CSRNP3: variants seen among roughly 807,000 people sequenced by gnomAD.
CSRNP3 encodes cysteine and serine rich nuclear protein 3.
Under a neutral mutation model 48.0 loss-of-function variants are expected in CSRNP3, and 12 were observed. The observed-to-expected ratio is 0.25, with a 90% CI of 0.16 to 0.41. The LOEUF is 0.41. Among genes scored for constraint, CSRNP3 ranks in the 10% least tolerant of loss-of-function variants. CSRNP3 has a pLI of 1.00. For missense variants in CSRNP3, 580 were observed against 724.4 expected (o/e 0.80, Z 2.29); for synonymous variants, 263 against 269.7 (o/e 0.98, Z 0.24).
At chr2:165,625,518 C>T (rs1390676795) in intron 4 of CSRNP3, among the ~76,000 whole-genome samples, 2 of 151,554 alleles carry the variant, frequency 1.3e-5, no homozygotes, top group African/African-American at 2.4e-5. Flanking sequence ...CTTGTAATCC[C>T]AGCTACTTGG....
intron 1 of CSRNP3, among the ~76,000 whole-genome samples, chr2:165,492,436 A>G (rs867805628): frequency 1.3e-5 from 2 of 151,994 alleles, no homozygotes; most frequent in Non-Finnish European, 2.9e-5. Context: ...GGGCTTTGGC[A>G]CACACCATTC....
chr2:165,520,768 TATTATATATATATATTATATATATATA>T (rs1358233756), intron 3 of CSRNP3, among the ~76,000 whole-genome samples: 1 of 51,276 alleles, frequency 2.0e-5, no homozygotes, highest in African/African-American at 1.4e-4. Flanking sequence ...TATAGAAATA[TATTATATATATATATTATATATATATA>T]TATATATATA....
chr2:165,574,450 A>G (rs1320968629), intron 3 of CSRNP3: 1 of 1,513,740 alleles, frequency 6.6e-7, no homozygotes, highest in Admixed American at 2.0e-5. Flanking sequence ...ACATTTCATG[A>G]TGCGCCTGAT....
intron 4 of CSRNP3, among the ~76,000 whole-genome samples, chr2:165,620,022 G>A (rs1423121409): frequency 1.3e-5 from 2 of 152,052 alleles, no homozygotes; most frequent in African/African-American, 2.4e-5. Context: ...CTAGGGAACT[G>A]ATATATCACA....
At chr2:165,473,556 ATG>A (rs1338965580) in intron 1 of CSRNP3, among the ~76,000 whole-genome samples, 1 of 152,164 alleles carries the variant, frequency 6.6e-6, no homozygotes, top group East Asian at 1.9e-4. Flanking sequence ...TATTAATCAG[ATG>A]TTATTTTTGA....
At chr2:165,540,683 C>G (rs1022832107) in intron 3 of CSRNP3, among the ~76,000 whole-genome samples, 1 of 152,058 alleles carries the variant, frequency 6.6e-6, no homozygotes, top group Admixed American at 6.6e-5. Flanking sequence ...CCCAGGAATC[C>G]CTGCTGGCTT....
chr2:165,531,993 C>T (rs939541717), intron 3 of CSRNP3, among the ~76,000 whole-genome samples: 1 of 152,104 alleles, frequency 6.6e-6, no homozygotes, highest in Non-Finnish European at 1.5e-5. Flanking sequence ...CATACATCCT[C>T]CCAAGACGAA....
chr2:165,605,567 C>G (rs1414916592), intron 4 of CSRNP3, among the ~76,000 whole-genome samples: 1 of 152,090 alleles, frequency 6.6e-6, no homozygotes, highest in Non-Finnish European at 1.5e-5. Flanking sequence ...TTGGGGCTTA[C>G]TATTCTACTG....
At chr2:165,667,100 A>AGAGAGAGATGAAGAAAGAAAGAGAGAG (rs1687245993) in intron 5 of CSRNP3, among the ~76,000 whole-genome samples, 1 of 29,330 alleles carries the variant, frequency 3.4e-5, no homozygotes, top group Non-Finnish European at 8.2e-5. Flanking sequence ...AGAGAGAGAA[A>AGAGAGAGATGAAGAAAGAAAGAGAGAG]AGGAAGGAAG....
chr2:165,577,702 T>C (rs997134602), intron 3 of CSRNP3, among the ~76,000 whole-genome samples: 1 of 151,776 alleles, frequency 6.6e-6, no homozygotes, highest in Admixed American at 6.6e-5. Context: ...TTATATGCTT[T>C]TTATAATTTT....
At chr2:165,645,241 T>C (rs1241627093) in intron 4 of CSRNP3, among the ~76,000 whole-genome samples, 1 of 151,904 alleles carries the variant, frequency 6.6e-6, no homozygotes, top group Non-Finnish European at 1.5e-5. Context: ...GGCTGAGGCA[T>C]GAGAATTGCT....
At chr2:165,665,939 GGAAGGAAGGAAGGACGGAAGGAA>G (rs1687179377) in intron 5 of CSRNP3, among the ~76,000 whole-genome samples, 1 of 130,574 alleles carries the variant, frequency 7.7e-6, no homozygotes, top group African/African-American at 2.6e-5. Flanking sequence ...GAAAGAGAGA[GGAAGGAAGGAAGGACGGAAGGAA>G]AGAGAGAGGG....
intron 4 of CSRNP3, among the ~76,000 whole-genome samples, chr2:165,641,899 T>C (rs1190662454): frequency 6.6e-6 from 1 of 152,140 alleles, no homozygotes; most frequent in African/African-American, 2.4e-5. Flanking sequence ...TCCAAGGAAA[T>C]ATAAACTCTT....
At chr2:165,669,568 A>G (rs1371645934) in intron 5 of CSRNP3, among the ~76,000 whole-genome samples, 1 of 152,200 alleles carries the variant, frequency 6.6e-6, no homozygotes, top group Non-Finnish European at 1.5e-5. Context: ...AATGTGTCCC[A>G]TCCCTCAGGT....
chr2:165,570,346 C>A (rs888125812), intron 3 of CSRNP3, among the ~76,000 whole-genome samples: 1 of 152,024 alleles, frequency 6.6e-6, no homozygotes, highest in Admixed American at 6.6e-5. Flanking sequence ...TGGAGACTCA[C>A]AATTTTACTG....
chr2:165,585,212 GTT>G (rs35019068), intron 3 of CSRNP3, among the ~76,000 whole-genome samples: 202 of 143,144 alleles, frequency 1.4e-3, no homozygotes, highest in Middle Eastern at 3.6e-3. Flanking sequence ...AGCATAATGT[GTT>G]TTTTTTTTTT....
At chr2:165,665,483 G>A (rs1056013055) in intron 5 of CSRNP3, among the ~76,000 whole-genome samples, 7 of 152,092 alleles carry the variant, frequency 4.6e-5, no homozygotes, top group African/African-American at 1.2e-4. Flanking sequence ...TTCTCTGGCC[G>A]GGCAGGGTGG....
intron 4 of CSRNP3, among the ~76,000 whole-genome samples, chr2:165,639,573 G>C (rs186822793): frequency 1.3e-5 from 2 of 152,126 alleles, no homozygotes; most frequent in African/African-American, 4.8e-5. Context: ...TTTAAATCCC[G>C]TGATTTTGAA....
intron 3 of CSRNP3, among the ~76,000 whole-genome samples, chr2:165,578,487 T>C (rs1329360434): frequency 6.6e-6 from 1 of 152,074 alleles, no homozygotes; most frequent in Non-Finnish European, 1.5e-5. Context: ...TCTCATATAC[T>C]GTGAAGAACT....
Sources: allele counts gnomAD v4.1 joint callset (sites outside exome capture counted in the v4.1 genomes callset), GRCh38; gene constraint gnomAD v4.1.1; transcripts MANE v1.5; gene names NCBI Gene and HGNC (gene_info 2026-07-23, HGNC 2026-07-21).